Variants in ATXN7 observed in about 807,000 individuals in gnomAD.
The protein encoded by ATXN7 is ataxin 7, also known as ataxin-7.
Under a neutral mutation model 70.5 loss-of-function variants are expected in ATXN7, and 12 were observed. The ratio of observed to expected loss-of-function variants is 0.17; its 90% CI spans 0.11 to 0.28. The LOEUF (loss-of-function observed/expected upper bound fraction) is 0.28, where lower values mean the gene tolerates loss of function less well. ATXN7 is among the 10% of genes least tolerant of loss of function. The probability of loss-of-function intolerance (pLI) is 1.00; values close to 1 mark genes in which losing one functional copy is unlikely to be tolerated. For missense variants in ATXN7, 1,256 were observed against 1,131.7 expected, an observed-to-expected ratio of 1.11 and a Z score of -1.58; for synonymous variants, 498 against 448.7, an observed-to-expected ratio of 1.11 and a Z score of -1.39.
rs878946899 is a variant in ATXN7 at position 64,001,480 on chromosome 3, C to G, written c.*2013C>G. ...GTATGGGTAGAATTTATTTTCAGAGCCAAGAGGACTTGATGGTTATAAATA... is the reference window on the plus strand; with the variant it reads ...GTATGGGTAGAATTTATTTTCAGAGGCAAGAGGACTTGATGGTTATAAATA... On this transcript the variant is annotated 3_prime_UTR_variant, in exon 13 of 13. Coordinates refer to ENST00000674280, the MANE Select transcript of ATXN7 (RefSeq NM_001377405.1). 1 of 152,070 alleles carries G rather than the reference C, an allele frequency of 6.6e-6. No homozygotes were observed. Among genetic ancestry groups the G allele is most frequent in the African/African-American group, 2.4e-5 (1 of 41,380 alleles). 9.4% of individuals were successfully genotyped at this position (152,070 alleles called of 1,614,324 possible).
chr3:63,973,485 C>G (rs1308892791), intron 5 of ATXN7, among the ~76,000 whole-genome samples: 1 of 152,108 alleles, frequency 6.6e-6, no homozygotes, highest in Non-Finnish European at 1.5e-5. Flanking sequence ...CCCCAATTGG[C>G]ACATTCTGTC....
intron 6 of ATXN7, among the ~76,000 whole-genome samples, chr3:63,981,868 A>G (rs868663444): frequency 1.3e-5 from 2 of 152,140 alleles, no homozygotes. Flanking sequence ...AGACCTTCTC[A>G]TGTTTTGCTT....
chr3:63,867,890 A>C (rs772616207), intron 1 of ATXN7, among the ~76,000 whole-genome samples: 9 of 152,176 alleles, frequency 5.9e-5, no homozygotes, highest in Non-Finnish European at 1.2e-4. Flanking sequence ...GAAATAAATA[A>C]ATAAATAACA....
chr3:63,887,647 A>C (rs1703129498), intron 1 of ATXN7, among the ~76,000 whole-genome samples: 1 of 152,058 alleles, frequency 6.6e-6, no homozygotes. Context: ...GTATGGTAGC[A>C]CTATCTCAGC....
chr3:63,993,275 A>ATTTGTT (rs2075701735), intron 11 of ATXN7, among the ~76,000 whole-genome samples: 1 of 116,014 alleles, frequency 8.6e-6, no homozygotes, highest in African/African-American at 3.3e-5. Context: ...TTGTTGGTGT[A>ATTTGTT]TTTTTTTTTT....
chr3:63,966,482 G>T (rs762831549), intron 5 of ATXN7, among the ~76,000 whole-genome samples: 1 of 152,096 alleles, frequency 6.6e-6, no homozygotes, highest in African/African-American at 2.4e-5. Context: ...TGCTTCTAAG[G>T]CTTGCTGATG....
chr3:63,984,752 G>C (rs1468460653), intron 8 of ATXN7, among the ~76,000 whole-genome samples: 2 of 152,172 alleles, frequency 1.3e-5, no homozygotes, highest in African/African-American at 4.8e-5. Context: ...TGCTATAACT[G>C]AAACTTTATG....
At chr3:63,864,261 C>A (rs1382233640) in intron 1 of ATXN7, among the ~76,000 whole-genome samples, 103 bp downstream of exon 1, 2 of 151,312 alleles carry the variant, frequency 1.3e-5, no homozygotes, top group African/African-American at 4.8e-5. Context: ...TGACTGCGGC[C>A]CCGCCGCCCC....
chr3:63,989,769 A>G (rs931625718), intron 9 of ATXN7, among the ~76,000 whole-genome samples: 2 of 152,212 alleles, frequency 1.3e-5, no homozygotes, highest in Admixed American at 1.3e-4. Flanking sequence ...CCTGGCCTCA[A>G]TTCCCCATGG....
chr3:63,935,269 A>G (rs1231998016), intron 4 of ATXN7, among the ~76,000 whole-genome samples: 1 of 152,162 alleles, frequency 6.6e-6, no homozygotes, highest in Non-Finnish European at 1.5e-5. Flanking sequence ...AGTGGCTACC[A>G]AGGGGAGCAC....
rs1456843283 is a variant in ATXN7 at position 63,995,808 on chromosome 3, T to G, written c.1986T>G (p.Val662=). 6 of 1,614,086 alleles carry G rather than the reference T, an allele frequency of 3.7e-6. No individual in the cohort carries two copies. The highest frequency in any genetic ancestry group is 1.6e-4 in the Middle Eastern group (1 of 6,084). The change falls in exon 12 of 13, where the codon GTT becomes GTG. Residue 662 remains valine, a synonymous_variant. Coordinates refer to ENST00000674280, the MANE Select transcript of ATXN7 (RefSeq NM_001377405.1). ...SPSTPSGLSS[V]PSSPMSRKPQ... Reference sequence around the variant, plus strand: ...CCACGCCCTCTGGCCTTTCCTCGGTTCCTTCCTCCCCCATGTCCAGGAAAC... The same window carrying G: ...CCACGCCCTCTGGCCTTTCCTCGGTGCCTTCCTCCCCCATGTCCAGGAAAC...
chr3:63,870,023 C>G (rs1394394495), intron 1 of ATXN7, among the ~76,000 whole-genome samples: 2 of 152,202 alleles, frequency 1.3e-5, no homozygotes, highest in South Asian at 2.1e-4. Flanking sequence ...GATTTTATAG[C>G]CTGGAACAGA....
intron 1 of ATXN7, among the ~76,000 whole-genome samples, chr3:63,873,380 TAGAC>T (rs1023472747): frequency 1.3e-5 from 2 of 152,138 alleles, no homozygotes; most frequent in Non-Finnish European, 2.9e-5. Flanking sequence ...CAGGACTCAG[TAGAC>T]AGTCTTCTCA....
At chr3:63,929,793 A>G (rs1704872860) in intron 4 of ATXN7, among the ~76,000 whole-genome samples, 2 of 152,156 alleles carry the variant, frequency 1.3e-5, no homozygotes, top group South Asian at 2.1e-4. Context: ...GTCATGTTAC[A>G]TTACTGTGGC....
chr3:63,863,623 T>G, upstream of ATXN7: 1 of 1,199,632 alleles, frequency 8.3e-7, no homozygotes, highest in Non-Finnish European at 1.0e-6. Context: ...GGCCCGGGGC[T>G]CCGGGGAGAG....
chr3:63,958,221 G>A (rs933110833), intron 5 of ATXN7, among the ~76,000 whole-genome samples: 1 of 152,174 alleles, frequency 6.6e-6, no homozygotes, highest in East Asian at 1.9e-4. Flanking sequence ...TGGACTTAAT[G>A]TTCCTTGATA....
intron 5 of ATXN7, among the ~76,000 whole-genome samples, chr3:63,962,217 T>G (rs1485815194): frequency 2.6e-5 from 4 of 152,168 alleles, no homozygotes; most frequent in African/African-American, 9.7e-5. Flanking sequence ...CCTTTTCATC[T>G]TGTGCATTTG....
chr3:63,953,952 A>G (rs898452049), intron 5 of ATXN7, among the ~76,000 whole-genome samples: 2 of 152,106 alleles, frequency 1.3e-5, no homozygotes, highest in Non-Finnish European at 2.9e-5. Flanking sequence ...CAGCCAAGAG[A>G]CGTTTTAAAG....
chr3:63,865,417 T>TA (rs1214186438), intron 1 of ATXN7: 2 of 152,164 alleles, frequency 1.3e-5, no homozygotes, highest in African/African-American at 4.8e-5. Flanking sequence ...AATACTGACC[T>TA]AAACGCTGGC....
Sources: gnomAD v4.1 joint callset for allele counts (sites outside exome capture counted in the v4.1 genomes callset) on GRCh38, gnomAD v4.1.1 for gene constraint, MANE v1.5 for transcripts, NCBI Gene and HGNC (gene_info 2026-07-23, HGNC 2026-07-21) for gene names.